Variants in SNTG2 observed in about 807,000 individuals in gnomAD.
SNTG2 encodes gamma-2-syntrophin.
A neutral mutation model predicts 70.9 loss-of-function variants in SNTG2; 74 were observed. The observed-to-expected ratio is 1.04, with a 90% CI of 0.86 to 1.27. SNTG2 has a LOEUF of 1.27. Among genes scored for constraint, SNTG2 ranks in the 50% most tolerant of loss-of-function variants. SNTG2 has a pLI of 0.00. For synonymous variants in SNTG2, 278 were observed against 273.8 expected, an observed-to-expected ratio of 1.02 and a Z score of -0.15; for missense variants, 717 against 690.7, an observed-to-expected ratio of 1.04 and a Z score of -0.43.
chr2:1,303,686 T>C (rs1167159659), intron 14 of SNTG2, among the ~76,000 whole-genome samples: 1 of 151,950 alleles, frequency 6.6e-6, no homozygotes, highest in African/African-American at 2.4e-5. Flanking sequence ...TTTGAAGATA[T>C]CATTAAATTT....
At chr2:1,221,174 C>T (rs916475270) in intron 9 of SNTG2, among the ~76,000 whole-genome samples, 12 of 152,224 alleles carry the variant, frequency 7.9e-5, no homozygotes, top group Non-Finnish European at 1.5e-4. Context: ...GGTCCCCACC[C>T]GCACTGTGTG....
intron 14 of SNTG2, among the ~76,000 whole-genome samples, chr2:1,292,719 C>T (rs1680042264): frequency 6.6e-6 from 1 of 152,082 alleles, no homozygotes; most frequent in Non-Finnish European, 1.5e-5. Context: ...TTGTACAATG[C>T]TTTTAATGTG....
intron 1 of SNTG2, among the ~76,000 whole-genome samples, chr2:955,666 G>A (rs929155794): frequency 2.6e-5 from 4 of 152,192 alleles, no homozygotes; most frequent in African/African-American, 9.7e-5. Flanking sequence ...TATAGGTAAG[G>A]GCACAGCCAT....
chr2:1,006,583 A>T (rs949460232), intron 1 of SNTG2, among the ~76,000 whole-genome samples: 1 of 152,186 alleles, frequency 6.6e-6, no homozygotes, highest in Non-Finnish European at 1.5e-5. Flanking sequence ...GGGTTCAACC[A>T]ACTGTGGATG....
At chr2:1,229,852 C>T (rs1162631260) in intron 9 of SNTG2, among the ~76,000 whole-genome samples, 1 of 152,228 alleles carries the variant, frequency 6.6e-6, no homozygotes, top group Non-Finnish European at 1.5e-5. Context: ...GTGCTAAGTC[C>T]CTTATTGCCC....
chr2:969,026 CGAGTTGATTTTAGTA>C (rs1660655621), intron 1 of SNTG2, among the ~76,000 whole-genome samples: 1 of 151,884 alleles, frequency 6.6e-6, no homozygotes, highest in Admixed American at 6.6e-5. Context: ...TAATGCATTT[CGAGTTGATTTTAGTA>C]TATGGTGAAA....
chr2:1,072,857 G>A (rs977375469), intron 1 of SNTG2, among the ~76,000 whole-genome samples: 3 of 152,102 alleles, frequency 2.0e-5, no homozygotes, highest in Admixed American at 2.0e-4. Flanking sequence ...ACAGGACTTC[G>A]GAAGATGGTG....
chr2:1,070,204 C>T (rs1386127646), intron 1 of SNTG2, among the ~76,000 whole-genome samples: 1 of 152,026 alleles, frequency 6.6e-6, no homozygotes, highest in Non-Finnish European at 1.5e-5. Context: ...ACCGGAGACC[C>T]CACCTGACTC....
In SNTG2 at chr2:1,266,898, C is replaced by T. The variant is rs1177987453; in HGVS notation, c.1078-467C>T. Among the ~76,000 whole-genome samples, 7 of 151,954 alleles carry T rather than the reference C, an allele frequency of 4.6e-5. No homozygotes were observed. The East Asian group carries it at 7.7e-4, about 17-fold the overall frequency. On this transcript the variant is annotated intron_variant, in intron 13 of 16. Transcript: ENST00000308624. ...CCTCCCAAATAGCTAGAACTACAAG[C>T]GTGTGCTGCCACACCTGGCTAATTT... is the stretch of plus-strand genomic sequence containing the variant.
At chr2:1,154,278 C>T (rs570384821) in intron 6 of SNTG2, among the ~76,000 whole-genome samples, 147 of 152,182 alleles carry the variant, frequency 9.7e-4, no homozygotes, top group South Asian at 2.3e-3. Flanking sequence ...AGCTGAGGCG[C>T]TGGCACGGGC....
chr2:1,332,321 G>A (rs941043931), intron 16 of SNTG2, among the ~76,000 whole-genome samples: 3 of 152,158 alleles, frequency 2.0e-5, no homozygotes, highest in Non-Finnish European at 4.4e-5. Flanking sequence ...GGACGAGGTG[G>A]ATTCACACCT....
At chr2:1,081,111 G>C (rs528922339) in intron 1 of SNTG2, among the ~76,000 whole-genome samples, 5 of 152,152 alleles carry the variant, frequency 3.3e-5, no homozygotes, top group Non-Finnish European at 7.4e-5. Flanking sequence ...CGCAGGCCAC[G>C]GCGTCCTGAG....
In SNTG2 at chr2:1,165,635, G is replaced by C; in HGVS notation, c.499G>C (p.Gly167Arg). 1 of 1,610,554 alleles carries C rather than the reference G, an allele frequency of 6.2e-7. No homozygotes were observed. The highest frequency in any genetic ancestry group is 8.5e-7 in the Non-Finnish European group (1 of 1,178,654). ...EAPAFLKLPL[G>R]SPGPSSDHSS... ...GCCGGCATTTCTGAAGCTCCCGTTA[G>C]GTAAGTGGGAAGAGGAGAAATGCCA... Residue 167 changes from glycine (G) to arginine (R), a missense_variant and splice_region_variant, in exon 7 of 17, where the codon GGG becomes CGG. Gly to Arg is a moderately radical substitution (Grantham distance 125, BLOSUM62 -2). Transcript: ENST00000308624.
chr2:1,329,933 A>C (rs1659431886), intron 16 of SNTG2, among the ~76,000 whole-genome samples: 1 of 152,240 alleles, frequency 6.6e-6, no homozygotes, highest in Admixed American at 6.5e-5. Context: ...CCAGGCTTCC[A>C]AGAGGTGGGA....
At chr2:1,153,140 G>A (rs1456811817) in intron 6 of SNTG2, among the ~76,000 whole-genome samples, 1 of 145,446 alleles carries the variant, frequency 6.9e-6, no homozygotes, top group Non-Finnish European at 1.5e-5. Context: ...AAAAAAAAAT[G>A]CCTTCACAAC....
intron 16 of SNTG2, among the ~76,000 whole-genome samples, chr2:1,366,080 A>G (rs1398249419): frequency 1.3e-5 from 2 of 152,150 alleles, no homozygotes; most frequent in Admixed American, 6.5e-5. Context: ...AAAATGATTT[A>G]TCTTTCTTTC....
intron 8 of SNTG2, among the ~76,000 whole-genome samples, chr2:1,195,766 C>A (rs1672870653): frequency 6.6e-6 from 1 of 152,014 alleles, no homozygotes. Flanking sequence ...GTTGCCATTG[C>A]TTTTGGTGTT....
chr2:1,019,894 T>A (rs1660064951), intron 1 of SNTG2, among the ~76,000 whole-genome samples: 1 of 151,768 alleles, frequency 6.6e-6, no homozygotes, highest in Non-Finnish European at 1.5e-5. Flanking sequence ...AAAAGAAAAA[T>A]TAGCCGGGTG....
chr2:1,177,209 C>G (rs1438274935), intron 8 of SNTG2, among the ~76,000 whole-genome samples: 4 of 152,114 alleles, frequency 2.6e-5, no homozygotes, highest in Non-Finnish European at 5.9e-5. Context: ...AGCCATTATC[C>G]TCAGCAAAAT....
Sources: allele counts gnomAD v4.1 joint callset (sites outside exome capture counted in the v4.1 genomes callset), GRCh38; gene constraint gnomAD v4.1.1; transcripts MANE v1.5; gene names NCBI Gene and HGNC (gene_info 2026-07-23, HGNC 2026-07-21).